The following APOB variants were observed in gnomAD, a reference collection of about 807,000 sequenced individuals.
The protein encoded by APOB is apolipoprotein B-100.
Under a neutral mutation model 314.1 loss-of-function variants are expected in APOB, and 153 were observed. That is an observed-to-expected ratio of 0.49 (90% CI 0.43 to 0.56). The LOEUF (loss-of-function observed/expected upper bound fraction) is 0.56, where lower values mean the gene tolerates loss of function less well. APOB is among the 20% of genes least tolerant of loss of function. The probability of loss-of-function intolerance (pLI) is 0.00; values close to 1 mark genes in which losing one functional copy is unlikely to be tolerated. For missense variants in APOB, 5,430 were observed against 5,350.7 expected (o/e 1.01, Z -0.46); for synonymous variants, 2,087 against 2,036.4 (o/e 1.02, Z -0.67).
Position 21,043,992 on chromosome 2 carries a change from C to T in APOB, c.-47G>A, listed in dbSNP as rs1664207019. ...TCCTGGGCTGCGGCCTGGCCTCGGC[C>T]TCGCGGCCCTGGCTGGCTGGGCGGG... is the stretch of plus-strand genomic sequence containing the variant. On this transcript the variant is annotated 5_prime_UTR_variant, in exon 1 of 29. Coordinates refer to ENST00000233242, the MANE Select transcript of APOB (RefSeq NM_000384.3). 9.6e-7 allele frequency: 1 copy of T among 1,039,206 alleles called. No individual in the cohort carries two copies. The allele number at this position is 1,039,206 out of a possible 1,614,324, so 64.4% of individuals were successfully genotyped here. A position where few individuals can be genotyped will look rare whatever the true frequency, so the allele number is the denominator to read the frequency against.
rs199797648 is a variant in APOB at position 21,018,983 on chromosome 2, A to G, written c.3121+9T>C. The G allele has an allele frequency of 1.2e-6, 2 of 1,613,942 alleles. No individual in the cohort carries two copies. The highest frequency in any genetic ancestry group is 2.2e-5 in the East Asian group (1 of 44,828). On this transcript the variant is annotated intron_variant, in intron 20 of 28. Transcript: ENST00000233242. The stretch of plus-strand genomic sequence containing the variant: ...GCAGAGATGAGGCAGCTGTGTTTTG[A>G]ATACTCACCTTCTGCTTGAGTTACA...
rs1558561038 is a variant in APOB at position 21,006,005 on chromosome 2, G to A, written c.10863C>T (p.Ala3621=). 2 of 1,613,952 alleles carry A rather than the reference G, an allele frequency of 1.2e-6. No homozygotes were observed. ...HDFPDLGQEV[A]LNANTKNQKI... is the part of the protein sequence containing the mutation. The stretch of plus-strand genomic sequence containing the variant: ...TCTGGTTCTTAGTGTTAGCATTCAG[G>A]GCCACTTCCTGGCCAAGGTCAGGGA... Residue 3621 remains alanine (A), a synonymous_variant, in exon 26 of 29, where the codon GCC becomes GCT. Transcript: ENST00000233242.
Position 21,011,323 on chromosome 2 carries a change from C to A in APOB, c.5545G>T (p.Ala1849Ser), listed in dbSNP as rs760703771. Reference protein sequence around the residue: ...IYAISSAALSASYKADTVAKV... With the variant: ...IYAISSAALSSSYKADTVAKV... ...GCAACAGTGTCTGCTTTATAGCTTG[C>A]TGATAAGGCAGCAGAAGAGATGGCA... The change falls in exon 26 of 29, where the codon GCA becomes TCA. Residue 1849 changes from alanine (A) to serine (S), a missense_variant. Physicochemically the swap from Ala to Ser is moderately conservative, Grantham distance 99 (BLOSUM62 1). This residue lies in a region of APOB where 3,281 missense variants were observed against 3,171.0 expected (regional missense o/e 1.03). Transcript: ENST00000233242. 6.2e-7 allele frequency: 1 copy of A among 1,614,162 alleles called. No individual in the cohort carries two copies. The highest frequency in any genetic ancestry group is 1.1e-5 in the South Asian group (1 of 91,078).
Position 21,011,223 on chromosome 2 carries a change from C to T in APOB, c.5645G>A (p.Ser1882Asn), listed in dbSNP as rs1558564873. The change falls in exon 26 of 29, where the codon AGC becomes AAC. Residue 1882 changes from serine (S) to asparagine (N), a missense_variant. Ser to Asn is a conservative substitution (Grantham distance 46). Around this residue, in one of 3 missense-constraint regions of APOB, gnomAD observed 3,281 missense variants for 3,171.0 expected, o/e 1.03. Coordinates refer to ENST00000233242, the MANE Select transcript of APOB (RefSeq NM_000384.3). ...CAGTGAGTCTGAATTATAGTTTGTG[C>T]TCATGTCAATGGCTGAAGCCAGCCC... Reference protein sequence around the residue: ...IAGLASAIDMSTNYNSDSLHF... With the variant: ...IAGLASAIDMNTNYNSDSLHF... The T allele has an allele frequency of 2.5e-6, 4 of 1,614,190 alleles. No homozygotes were observed. Among genetic ancestry groups the T allele is most frequent in the Non-Finnish European group, 3.4e-6 (4 of 1,180,028 alleles).
Position 21,013,304 on chromosome 2 carries a change from G to C in APOB, c.4072C>G (p.Leu1358Val), listed in dbSNP as rs565963363. The change falls in exon 25 of 29, where the codon CTC becomes GTC. Residue 1358 changes from leucine (L) to valine (V), a missense_variant. Leu to Val is a conservative substitution (Grantham distance 32, BLOSUM62 1). This residue lies in a region of APOB where 2,085 missense variants were observed against 2,079.7 expected (regional missense o/e 1.00). Coordinates refer to ENST00000233242, the MANE Select transcript of APOB (RefSeq NM_000384.3). ...LQVPLLGVLD[L>V]STNVYSNLYN... The stretch of plus-strand genomic sequence containing the variant: ...AAGTTGCTGTAGACATTCGTGGAGA[G>C]GTCTAGAACACCCAGGAGAGGCACT... 11 of 1,614,136 alleles carry C rather than the reference G, an allele frequency of 6.8e-6. No homozygotes were observed. In the South Asian group the frequency reaches 1.2e-4, roughly 18 times the overall value.
Position 21,002,132 on chromosome 2 carries a change from A to G in APOB, c.13290T>C (p.Ser4430=), listed in dbSNP as rs2103346598. The G allele has an allele frequency of 2.5e-6, 4 of 1,613,984 alleles. No individual in the cohort carries two copies. Among genetic ancestry groups the G allele is most frequent in the Non-Finnish European group, 2.5e-6 (3 of 1,179,962 alleles). The change falls in exon 29 of 29, where the codon TCT becomes TCC. Residue 4430 remains serine (S), a synonymous_variant. Coordinates refer to ENST00000233242, the MANE Select transcript of APOB (RefSeq NM_000384.3). The part of the protein sequence containing the change: ...DFHSEYIVSA[S]NFTSQLSSQV... The stretch of plus-strand genomic sequence containing the variant: ...GACTTGAGAGTTGGGAAGTAAAGTT[A>G]GAGGCACTGACAATATATTCAGAAT...
chr2:21,012,252 T>G lies in APOB; in HGVS notation c.4616A>C (p.Asp1539Ala). 1 of 1,612,496 alleles carries G rather than the reference T, an allele frequency of 6.2e-7. No homozygotes were observed. Among genetic ancestry groups the G allele is most frequent in the Non-Finnish European group, 8.5e-7 (1 of 1,178,708 alleles). Residue 1539 changes from aspartate to alanine, a missense_variant, in exon 26 of 29, where the codon GAT becomes GCT. Physicochemically the swap from Asp to Ala is moderately radical, Grantham distance 126 (BLOSUM62 -2). Transcript: ENST00000233242. Reference sequence around the variant, plus strand: ...GGTGGAGGTGAGGGAGAGGGTTCCATCTTCATATCTTCCTGTTATCTGGTT... The same window carrying G: ...GGTGGAGGTGAGGGAGAGGGTTCCAGCTTCATATCTTCCTGTTATCTGGTT... ...GTNQITGRYEDGTLSLTSTSD... is the reference protein window; with the variant it reads ...GTNQITGRYEAGTLSLTSTSD...
intron 24 of APOB, among the ~76,000 whole-genome samples, chr2:21,014,011 T>C (rs1486691423): frequency 1.3e-5 from 2 of 152,188 alleles, no homozygotes; most frequent in Admixed American, 1.3e-4. Context: ...ACTTGATTTG[T>C]GGAAAGAACA....
intron 18 of APOB, 61 bp from the exon 19 acceptor site, chr2:21,019,966 A>G: frequency 1.9e-6 from 3 of 1,545,688 alleles, no homozygotes; most frequent in Non-Finnish European, 2.7e-6. Flanking sequence ...GGACATCACA[A>G]ATTCTCAGGG....
chr2:21,016,678 AT>A, intron 20 of APOB, 29 bp from the exon 21 acceptor site: 2 of 1,449,338 alleles, frequency 1.4e-6, no homozygotes, highest in South Asian at 2.3e-5. Context: ...GAATCAAGAG[AT>A]GTGTGGTAAG....
At chr2:21,030,060 G>A in intron 10 of APOB, 45 bp from the exon 11 acceptor site, 1 of 1,288,130 alleles carries the variant, frequency 7.8e-7, no homozygotes, top group Non-Finnish European at 1.1e-6. Context: ...ACCCCAGTTA[G>A]GTTTGTCTTA....
At chr2:21,023,916 A>G in intron 16 of APOB, 1 of 418,634 alleles carries the variant, frequency 2.4e-6, no homozygotes, top group Non-Finnish European at 4.2e-6. Flanking sequence ...ATATCATGTC[A>G]TTTTCAAGTG....
intron 5 of APOB, among the ~76,000 whole-genome samples, chr2:21,037,513 G>A (rs760859990): frequency 3.6e-4 from 55 of 152,180 alleles, no homozygotes; most frequent in Admixed American, 1.3e-3. Context: ...TTATGGTGTC[G>A]TAGAGAAATT....
rs1215859034 is a variant in APOB, at chr2:21,043,946, C to A, written c.-1G>T. ...GCAGCGCGGGCCTCGGCGGGTCCAT[C>A]GCCAGCTGCGGTGGGGCGGCTCCTG... On this transcript the variant is annotated 5_prime_UTR_variant, in exon 1 of 29. Coordinates refer to ENST00000233242, the MANE Select transcript of APOB (RefSeq NM_000384.3). 3 of 1,322,150 alleles carry A rather than the reference C, an allele frequency of 2.3e-6. No homozygotes were observed. The South Asian group carries it at 5.8e-5, about 26-fold the overall frequency. The allele number at this position is 1,322,150 out of a possible 1,614,324, so 81.9% of individuals were successfully genotyped here. A position where few individuals can be genotyped will look rare whatever the true frequency, so the allele number is the denominator to read the frequency against.
chr2:21,043,791 G>A (rs1664196340), intron 1 of APOB, 73 bp downstream of exon 1: 3 of 1,521,488 alleles, frequency 2.0e-6, no homozygotes, highest in Non-Finnish European at 2.6e-6. Context: ...CTAGGCCCAG[G>A]CTGCCCCGGC....
Position 21,016,664 on chromosome 2 carries a change from A to G in APOB, c.3122-15T>C. The G allele has an allele frequency of 6.7e-7, 1 of 1,495,704 alleles. No individual in the cohort carries two copies. Among genetic ancestry groups the G allele is most frequent in the Non-Finnish European group, 9.3e-7 (1 of 1,071,956 alleles). 92.7% of individuals were successfully genotyped at this position (1,495,704 alleles called of 1,614,324 possible). On this transcript the variant is annotated splice_polypyrimidine_tract_variant and intron_variant, in intron 20 of 28. Coordinates refer to ENST00000233242, the MANE Select transcript of APOB (RefSeq NM_000384.3). ...CTGCTTCGCACCTGGACGAGTGTAT[A>G]AGAGAATCAAGAGATGTGTGGTAAG...
intron 23 of APOB, 80 bp from the exon 24 acceptor site, chr2:21,014,673 A>G: frequency 7.0e-7 from 1 of 1,428,004 alleles, no homozygotes; most frequent in Non-Finnish European, 9.8e-7. Flanking sequence ...AAAAATACCG[A>G]TTTGACAAGT....
chr2:21,004,977 T>C (rs1663087725), intron 26 of APOB, 103 bp downstream of exon 26: 9 of 1,473,316 alleles, frequency 6.1e-6, no homozygotes, highest in Non-Finnish European at 8.4e-6. Flanking sequence ...TTTTGTGACA[T>C]TGAGTAATTG....
chr2:21,037,340 A>G, intron 5 of APOB, 85 bp from the exon 6 acceptor site: 1 of 1,383,250 alleles, frequency 7.2e-7, no homozygotes. Flanking sequence ...GGGATCGTGA[A>G]AGAAAAAGCA....
Sources: allele counts gnomAD v4.1 joint callset (sites outside exome capture counted in the v4.1 genomes callset), GRCh38; gene constraint gnomAD v4.1.1; regional missense constraint gnomAD v4.1.1; transcripts MANE v1.5; gene names NCBI Gene and HGNC (gene_info 2026-07-23, HGNC 2026-07-21).